The following RGL1 variants were observed in gnomAD, a reference collection of about 807,000 sequenced individuals.
RGL1 encodes ral guanine nucleotide dissociation stimulator-like 1.
Under a neutral mutation model 95.2 loss-of-function variants are expected in RGL1, and 24 were observed. That is an observed-to-expected ratio of 0.25 (90% CI 0.18 to 0.35). The LOEUF is 0.35. Ranked by LOEUF, RGL1 falls within the 10% of genes least tolerant of loss-of-function variation. The pLI is 1.00. For synonymous variants in RGL1, 329 were observed against 344.9 expected, an observed-to-expected ratio of 0.95 and a Z score of 0.51; for missense variants, 715 against 936.3, an observed-to-expected ratio of 0.76 and a Z score of 3.08.
intron 11 of RGL1, among the ~76,000 whole-genome samples, chr1:183,900,786 G>A (rs548718579): frequency 7.2e-5 from 11 of 151,974 alleles, no homozygotes; most frequent in Admixed American, 2.6e-4. Flanking sequence ...GATTACAGGC[G>A]TTGAGCCACT....
At chr1:183,727,148 A>G (rs988395725) in intron 1 of RGL1, among the ~76,000 whole-genome samples, 3 of 152,180 alleles carry the variant, frequency 2.0e-5, no homozygotes, top group Non-Finnish European at 4.4e-5. Flanking sequence ...TATATAAAAA[A>G]CGTAATACAT....
upstream of RGL1, among the ~76,000 whole-genome samples, chr1:183,803,826 A>G (rs1028923493): frequency 6.6e-6 from 1 of 152,192 alleles, no homozygotes; most frequent in South Asian, 2.1e-4. Context: ...GGGCCTTCAC[A>G]TGATTTTCCT....
chr1:183,745,104 C>T (rs1657542031), intron 2 of RGL1, among the ~76,000 whole-genome samples: 1 of 152,118 alleles, frequency 6.6e-6, no homozygotes, highest in Non-Finnish European at 1.5e-5. Flanking sequence ...TGTTGTAACA[C>T]AAATTTCCCT....
At chr1:183,909,750 A>T (rs1179995042) in intron 14 of RGL1, among the ~76,000 whole-genome samples, 1 of 152,206 alleles carries the variant, frequency 6.6e-6, no homozygotes, top group Non-Finnish European at 1.5e-5. Context: ...GTTATTTTAT[A>T]GTCAGTACTT....
At chr1:183,749,850 T>C (rs565171073) in intron 2 of RGL1, among the ~76,000 whole-genome samples, 3 of 152,368 alleles carry the variant, frequency 2.0e-5, no homozygotes, top group East Asian at 3.9e-4. Context: ...AAATTCTGGG[T>C]TGAAAATTCT....
chr1:183,889,536 A>G (rs978894403), intron 8 of RGL1, among the ~76,000 whole-genome samples: 5 of 152,182 alleles, frequency 3.3e-5, no homozygotes, highest in African/African-American at 1.2e-4. Context: ...AGAGTTGATC[A>G]AGCCCTAAGA....
At position 183,874,503 on chromosome 1, in the gene RGL1, C is replaced by T. The variant is rs552698992; in HGVS notation, c.426-6113C>T. Among the ~76,000 whole-genome samples the T allele has an allele frequency of 2.3e-4, 35 of 151,754 alleles. 1 individual carries two copies. The highest frequency in any genetic ancestry group is 2.0e-3 in the Admixed American group (31 of 15,164). On this transcript the variant is annotated intron_variant, in intron 4 of 17. Transcript: ENST00000360851. ...TAATCTTTTTCTTCCTCCTTCTTGC[C>T]GTGGAGGTTTTTTTTTTTCTCTTCT...
intron 1 of RGL1, among the ~76,000 whole-genome samples, chr1:183,660,754 C>G (rs1281394280): frequency 2.0e-5 from 3 of 152,094 alleles, no homozygotes; most frequent in Non-Finnish European, 4.4e-5. Flanking sequence ...ACAGAATATA[C>G]ATTTTTTTCA....
At chr1:183,915,061 T>C (rs1189127912) in intron 15 of RGL1, among the ~76,000 whole-genome samples, 1 of 152,162 alleles carries the variant, frequency 6.6e-6, no homozygotes, top group Non-Finnish European at 1.5e-5. Context: ...ATCAGACCCC[T>C]ACCCATGAGA....
chr1:183,927,688 T>C lies in RGL1; in HGVS notation c.*1396T>C, dbSNP rs1240776788. The stretch of plus-strand genomic sequence containing the variant: ...TGAACTAAAAGCCATATGTGGAATA[T>C]TGACATGTGTAAGAAGCACTTTCAG... On this transcript the variant is annotated 3_prime_UTR_variant, in exon 18 of 18. Coordinates refer to ENST00000360851, the MANE Select transcript of RGL1 (RefSeq NM_001297671.3). The C allele has an allele frequency of 1.3e-5, 2 of 152,660 alleles. No individual in the cohort carries two copies. Among genetic ancestry groups the C allele is most frequent in the Non-Finnish European group, 1.5e-5 (1 of 68,042 alleles). 9.5% of individuals were successfully genotyped at this position (152,660 alleles called of 1,614,324 possible). A position where few individuals can be genotyped will look rare whatever the true frequency, so the allele number is the denominator to read the frequency against.
upstream of RGL1, among the ~76,000 whole-genome samples, chr1:183,804,198 A>AATT (rs1661145258): frequency 6.7e-6 from 1 of 149,934 alleles, no homozygotes; most frequent in Non-Finnish European, 1.5e-5. Flanking sequence ...TGGGAGACCT[A>AATT]TTTTTTTTTT....
chr1:183,670,168 C>T (rs2102050751), intron 1 of RGL1, among the ~76,000 whole-genome samples: 1 of 152,322 alleles, frequency 6.6e-6, no homozygotes, highest in South Asian at 2.1e-4. Context: ...CCCACTCCCA[C>T]ACTTTACATG....
chr1:183,642,160 A>G (rs1379944508), intron 1 of RGL1, among the ~76,000 whole-genome samples: 2 of 152,244 alleles, frequency 1.3e-5, no homozygotes, highest in Non-Finnish European at 2.9e-5. Flanking sequence ...AGATCCTGCA[A>G]TCCTTATAAT....
At chr1:183,697,764 C>CATTT (rs1251322011) in intron 1 of RGL1, among the ~76,000 whole-genome samples, 1 of 152,194 alleles carries the variant, frequency 6.6e-6, no homozygotes, top group Admixed American at 6.5e-5. Flanking sequence ...AGGTATCATG[C>CATTT]ATTTCAACCC....
chr1:183,785,197 G>A (rs932438661), intron 2 of RGL1, among the ~76,000 whole-genome samples: 2 of 152,062 alleles, frequency 1.3e-5, no homozygotes, highest in African/African-American at 4.8e-5. Context: ...CCTTAGCATG[G>A]CCCCCACCCT....
chr1:183,801,581 T>A (rs1397898679), upstream of RGL1, among the ~76,000 whole-genome samples: 1 of 152,236 alleles, frequency 6.6e-6, no homozygotes, highest in Non-Finnish European at 1.5e-5. Flanking sequence ...AAGGCCAATA[T>A]AATAAAGCTT....
chr1:183,871,132 T>C (rs570275526), intron 4 of RGL1, among the ~76,000 whole-genome samples: 1 of 152,380 alleles, frequency 6.6e-6, no homozygotes, highest in Admixed American at 6.5e-5. Flanking sequence ...AACAGAGATA[T>C]GGTCCACACA....
chr1:183,795,809 C>T (rs1008632779), intron 2 of RGL1, among the ~76,000 whole-genome samples: 3 of 152,120 alleles, frequency 2.0e-5, no homozygotes, highest in East Asian at 1.9e-4. Context: ...TGTTGTGTAG[C>T]GACTCAGTAA....
chr1:183,809,871 C>T (rs894080854), intron 2 of RGL1, among the ~76,000 whole-genome samples: 16 of 152,058 alleles, frequency 1.1e-4, no homozygotes, highest in East Asian at 5.8e-4. Flanking sequence ...GTGGGAGGAT[C>T]GCGTGAGCCA....
Sources: gnomAD v4.1 joint callset for allele counts (sites outside exome capture counted in the v4.1 genomes callset) on GRCh38, gnomAD v4.1.1 for gene constraint, MANE v1.5 for transcripts, NCBI Gene and HGNC (gene_info 2026-07-23, HGNC 2026-07-21) for gene names.